Variants in ENTREP2 observed in about 807,000 individuals in gnomAD.
ENTREP2 encodes the protein protein ENTREP2.
chr15:29,252,332 T>C, the ENTREP2 span: 10 of 1,311,330 alleles, frequency 7.6e-6, no homozygotes, highest in South Asian at 7.7e-5. Context: ...TCAAATCCTA[T>C]GACCTTTATG....
At chr15:29,626,225 A>C in the ENTREP2 span, among the ~76,000 whole-genome samples, 30 of 152,254 alleles carry the variant, frequency 2.0e-4, no homozygotes, top group South Asian at 6.0e-3. Context: ...GTTTTCCTAG[A>C]TTTCTGATAG....
chr15:29,290,360 C>T, the ENTREP2 span, among the ~76,000 whole-genome samples: 1 of 152,234 alleles, frequency 6.6e-6, no homozygotes, highest in Non-Finnish European at 1.5e-5. Context: ...ACGCGGCTCA[C>T]TCCCTTGCCT....
the ENTREP2 span, among the ~76,000 whole-genome samples, chr15:29,559,573 G>C: frequency 1.3e-5 from 2 of 151,974 alleles, no homozygotes; most frequent in Non-Finnish European, 2.9e-5. Flanking sequence ...ATCCTCCTGG[G>C]GGCTCCAGGA....
At chr15:29,318,325 G>GT in the ENTREP2 span, among the ~76,000 whole-genome samples, 5 of 146,882 alleles carry the variant, frequency 3.4e-5, no homozygotes, top group Admixed American at 6.7e-5. Flanking sequence ...TTTTTTTTTT[G>GT]TTTTTTGTTT....
the ENTREP2 span, among the ~76,000 whole-genome samples, chr15:29,328,600 G>A: frequency 1.3e-5 from 2 of 152,226 alleles, no homozygotes; most frequent in East Asian, 1.9e-4. Context: ...GTACATCAGT[G>A]ATGAACTCTA....
the ENTREP2 span, among the ~76,000 whole-genome samples, chr15:29,603,796 G>A: frequency 1.3e-5 from 2 of 152,120 alleles, no homozygotes; most frequent in African/African-American, 4.8e-5. Flanking sequence ...GCACCACCAC[G>A]CCTGGCTAAC....
At chr15:29,479,666 TACACACACAC>T in the ENTREP2 span, among the ~76,000 whole-genome samples, 2 of 131,698 alleles carry the variant, frequency 1.5e-5, no homozygotes, top group African/African-American at 6.4e-5. Flanking sequence ...CACACACACA[TACACACACAC>T]ACATACATAC....
chr15:29,490,521 GATTGGTCCGTTTTACAGAGAGCTA>G, the ENTREP2 span, among the ~76,000 whole-genome samples: 1 of 152,164 alleles, frequency 6.6e-6, no homozygotes, highest in Non-Finnish European at 1.5e-5. Flanking sequence ...ACAGAGAGCT[GATTGGTCCGTTTTACAGAGAGCTA>G]ATTGGTCTGT....
the ENTREP2 span, among the ~76,000 whole-genome samples, chr15:29,385,512 A>G: frequency 6.6e-6 from 1 of 152,196 alleles, no homozygotes; most frequent in African/African-American, 2.4e-5. Flanking sequence ...GGCAGGCAGA[A>G]TTCTAAAATG....
At chr15:29,419,245 A>G in the ENTREP2 span, among the ~76,000 whole-genome samples, 4 of 152,230 alleles carry the variant, frequency 2.6e-5, no homozygotes, top group Admixed American at 2.0e-4. Flanking sequence ...AAAAAGATGA[A>G]TAAAATAAAT....
At chr15:29,185,185 C>T in the ENTREP2 span, among the ~76,000 whole-genome samples, 1 of 152,038 alleles carries the variant, frequency 6.6e-6, no homozygotes, top group East Asian at 1.9e-4. Flanking sequence ...TGGTCTTGAA[C>T]TCCCGACCTC....
chr15:29,272,671 G>A, the ENTREP2 span, among the ~76,000 whole-genome samples: 1 of 152,086 alleles, frequency 6.6e-6, no homozygotes, highest in Non-Finnish European at 1.5e-5. Context: ...AGAATGGGGT[G>A]GCCAAATATA....
chr15:29,364,050 C>T, the ENTREP2 span, among the ~76,000 whole-genome samples: 1 of 151,862 alleles, frequency 6.6e-6, no homozygotes, highest in Non-Finnish European at 1.5e-5. Context: ...TGGGAACCCT[C>T]TTTTTTTTGA....
chr15:29,392,611 G>C, the ENTREP2 span, among the ~76,000 whole-genome samples: 5 of 152,072 alleles, frequency 3.3e-5, no homozygotes. Flanking sequence ...CTTGCCTTTA[G>C]TATTCTGAAC....
chr15:29,190,033 C>T, the ENTREP2 span, among the ~76,000 whole-genome samples: 5 of 152,286 alleles, frequency 3.3e-5, no homozygotes, highest in East Asian at 9.7e-4. Context: ...CAGAGGCAGG[C>T]CCTGTCATCG....
the ENTREP2 span, among the ~76,000 whole-genome samples, chr15:29,244,779 A>G: frequency 6.6e-6 from 1 of 152,202 alleles, no homozygotes; most frequent in Non-Finnish European, 1.5e-5. Flanking sequence ...AGTGATGTGA[A>G]GATGCTGTCC....
chr15:29,624,512 T>C, the ENTREP2 span, among the ~76,000 whole-genome samples: 1 of 152,232 alleles, frequency 6.6e-6, no homozygotes, highest in Non-Finnish European at 1.5e-5. Flanking sequence ...GCTGGATTTA[T>C]GTAAATGCCA....
At chr15:29,291,731 T>C in the ENTREP2 span, among the ~76,000 whole-genome samples, 33 of 152,346 alleles carry the variant, frequency 2.2e-4, no homozygotes, top group Non-Finnish European at 2.8e-4. Context: ...TATTCTTTTA[T>C]TGTCATTTTA....
chr15:29,550,124 A>G, the ENTREP2 span, among the ~76,000 whole-genome samples: 1 of 152,194 alleles, frequency 6.6e-6, no homozygotes, highest in Non-Finnish European at 1.5e-5. Flanking sequence ...CTGTGGGGAC[A>G]TATCTAGGCC....
Sources: allele counts gnomAD v4.1 joint callset (sites outside exome capture counted in the v4.1 genomes callset), GRCh38; gene constraint gnomAD v4.1.1; transcripts MANE v1.5; gene names NCBI Gene and HGNC (gene_info 2026-07-23, HGNC 2026-07-21).